Variants in SEPTIN11 observed in about 807,000 individuals in gnomAD.
SEPTIN11 encodes the protein septin 11, also known as septin-11.
In SEPTIN11, 25 loss-of-function variants were observed where a neutral mutation model predicts 51.4. That is an observed-to-expected ratio of 0.49 (90% confidence interval 0.35 to 0.68). The LOEUF (loss-of-function observed/expected upper bound fraction) is 0.68. Ranked by LOEUF, SEPTIN11 falls within the 30% of genes least tolerant of loss-of-function variation. The probability of loss-of-function intolerance (pLI) is 0.00; values close to 1 mark genes in which losing one functional copy is unlikely to be tolerated. For missense variants in SEPTIN11, 381 were observed against 520.8 expected, an observed-to-expected ratio of 0.73 and a Z score of 2.61; for synonymous variants, 174 against 184.1, an observed-to-expected ratio of 0.95 and a Z score of 0.44.
intron 7 of SEPTIN11, among the ~76,000 whole-genome samples, chr4:77,027,181 G>A (rs749453311): frequency 6.6e-6 from 1 of 152,188 alleles, no homozygotes; most frequent in Non-Finnish European, 1.5e-5. Context: ...TGTTGCCCAG[G>A]CTGGAGTGCA....
intron 1 of SEPTIN11, among the ~76,000 whole-genome samples, chr4:76,983,718 A>T (rs1722886400): frequency 6.6e-6 from 1 of 152,198 alleles, no homozygotes; most frequent in Non-Finnish European, 1.5e-5. Flanking sequence ...GACACAGTAG[A>T]ACTCTTAGAG....
intron 3 of SEPTIN11, among the ~76,000 whole-genome samples, chr4:77,008,321 A>ATG (rs1181424403): frequency 1.3e-5 from 2 of 152,218 alleles, no homozygotes; most frequent in African/African-American, 4.8e-5. Flanking sequence ...ACTAGCTGTA[A>ATG]TGATAGTTAG....
chr4:76,998,501 C>G (rs775696778), intron 2 of SEPTIN11, among the ~76,000 whole-genome samples: 1 of 152,176 alleles, frequency 6.6e-6, no homozygotes, highest in Non-Finnish European at 1.5e-5. Context: ...TGGCTCCTTC[C>G]ATCCATTCTC....
At chr4:77,003,797 G>A (rs1411980558) in intron 2 of SEPTIN11, among the ~76,000 whole-genome samples, 2 of 152,132 alleles carry the variant, frequency 1.3e-5, no homozygotes, top group Non-Finnish European at 2.9e-5. Flanking sequence ...TATAGTGGGA[G>A]GGTTGCCCAG....
chr4:77,019,035 C>A, intron 5 of SEPTIN11, 130 bp from the exon 6 acceptor site: 1 of 777,932 alleles, frequency 1.3e-6, no homozygotes, highest in Non-Finnish European at 2.1e-6. Context: ...CATCCACCCA[C>A]CAAACTGCAG....
At chr4:76,996,658 T>A in intron 2 of SEPTIN11, 119 bp downstream of exon 2, 1 of 734,538 alleles carries the variant, frequency 1.4e-6, no homozygotes, top group African/African-American at 1.8e-5. Flanking sequence ...CTTTCATCAG[T>A]AAAACAAGGC....
intron 1 of SEPTIN11, among the ~76,000 whole-genome samples, chr4:76,951,533 A>T (rs1204898273): frequency 2.0e-5 from 3 of 151,810 alleles, no homozygotes; most frequent in Admixed American, 1.3e-4. Flanking sequence ...TGGTTAAATT[A>T]CTCCTCCCCC....
rs137934146 is a variant in SEPTIN11, at chr4:77,037,337, G to A, written c.*2825G>A. 1,056 of 964,934 alleles carry A rather than the reference G, an allele frequency of 1.1e-3. 11 individuals are homozygous for A. The African/African-American group carries it at 0.018, about 16-fold the overall frequency. The allele number at this position is 964,934 out of a possible 1,614,324, so 59.8% of individuals were successfully genotyped here. ...AGATTGCACCACTGCATTCCAACCT[G>A]GGTGATGAAGTGAGACTCTCCAAAA... On this transcript the variant is annotated 3_prime_UTR_variant, in exon 10 of 10. Coordinates refer to ENST00000264893, the MANE Select transcript of SEPTIN11 (RefSeq NM_018243.4).
intron 1 of SEPTIN11, among the ~76,000 whole-genome samples, chr4:76,957,568 C>G (rs1000179874): frequency 2.0e-5 from 3 of 152,168 alleles, no homozygotes; most frequent in African/African-American, 7.2e-5. Context: ...CATTCATCCT[C>G]AATAAAAGTT....
At chr4:76,989,059 G>C (rs1309816348) in intron 1 of SEPTIN11, among the ~76,000 whole-genome samples, 3 of 152,198 alleles carry the variant, frequency 2.0e-5, no homozygotes, top group African/African-American at 7.2e-5. Flanking sequence ...TCCAGATTAA[G>C]AAGCCTTAGA....
At chr4:77,007,462 C>T (rs963590183) in intron 3 of SEPTIN11, among the ~76,000 whole-genome samples, 1 of 152,196 alleles carries the variant, frequency 6.6e-6, no homozygotes, top group Non-Finnish European at 1.5e-5. Context: ...ACTGGGGTTG[C>T]CACAGTGCTG....
chr4:76,974,770 GTTTAAC>G (rs1722410071), intron 1 of SEPTIN11: 1 of 456,622 alleles, frequency 2.2e-6, no homozygotes, highest in Non-Finnish European at 4.4e-6. Context: ...AATGAATCAA[GTTTAAC>G]TTAGGTCCTC....
intron 5 of SEPTIN11, among the ~76,000 whole-genome samples, chr4:77,016,615 C>CAT (rs370267588): frequency 0.28 from 22,002 of 79,004 alleles, 3,301 homozygotes; most frequent in East Asian, 0.46. Flanking sequence ...TATATATACA[C>CAT]ATATATATAT....
intron 8 of SEPTIN11, 101 bp downstream of exon 8, chr4:77,028,862 C>T (rs1726384609): frequency 2.3e-6 from 3 of 1,289,724 alleles, no homozygotes; most frequent in Non-Finnish European, 3.1e-6. Context: ...GTACTTTCTA[C>T]ATGCATTTTG....
chr4:76,959,216 G>T (rs1169930912), intron 1 of SEPTIN11: 1 of 313,602 alleles, frequency 3.2e-6, no homozygotes, highest in Non-Finnish European at 6.3e-6. Context: ...CGATGGAAAC[G>T]GATCCAAAGC....
chr4:77,001,038 A>G (rs1724084099), intron 2 of SEPTIN11, among the ~76,000 whole-genome samples: 1 of 152,194 alleles, frequency 6.6e-6, no homozygotes, highest in South Asian at 2.1e-4. Context: ...CTTCTAATTA[A>G]TAATACAATC....
chr4:76,995,766 A>C, intron 1 of SEPTIN11: 2 of 1,469,428 alleles, frequency 1.4e-6, no homozygotes, highest in Non-Finnish European at 1.8e-6. Context: ...ATGTATGATA[A>C]CTACCTTACC....
chr4:77,038,367 T>G lies in SEPTIN11; in HGVS notation c.*3855T>G, dbSNP rs1727174841. 1 of 985,792 alleles carries G rather than the reference T, an allele frequency of 1.0e-6. No homozygotes were observed. The highest frequency in any genetic ancestry group is 6.1e-5 in the Admixed American group (1 of 16,272). 61.1% of individuals were successfully genotyped at this position (985,792 alleles called of 1,614,324 possible). ...TGTGTTTTCTAAAACTGTCGTGTAA[T>G]CTACTTTCATTGTTAATGCAGAATT... On this transcript the variant is annotated 3_prime_UTR_variant, in exon 10 of 10. Transcript: ENST00000264893.
chr4:77,018,447 T>C (rs1230849594), intron 5 of SEPTIN11, among the ~76,000 whole-genome samples: 9 of 107,750 alleles, frequency 8.4e-5, no homozygotes, highest in African/African-American at 1.4e-4. Flanking sequence ...AGACTCCATC[T>C]CAAAAAAAAA....
Sources: allele counts gnomAD v4.1 joint callset (sites outside exome capture counted in the v4.1 genomes callset), GRCh38; gene constraint gnomAD v4.1.1; transcripts MANE v1.5; gene names NCBI Gene and HGNC (gene_info 2026-07-23, HGNC 2026-07-21).